Variants in UTRN observed in about 807,000 individuals in gnomAD.
The protein encoded by UTRN is utrophin, also known as dystrophin-related protein 1.
A neutral mutation model predicts 463.9 loss-of-function variants in UTRN; 283 were observed. That is an observed-to-expected ratio of 0.61 (90% CI 0.55 to 0.67). The LOEUF is 0.67. Among genes scored for constraint, UTRN ranks in the 30% least tolerant of loss-of-function variants. The probability of loss-of-function intolerance (pLI) is 0.00; values close to 1 mark genes in which losing one functional copy is unlikely to be tolerated. For synonymous variants in UTRN, 1,442 were observed against 1,431.5 expected, an observed-to-expected ratio of 1.01 and a Z score of -0.17; for missense variants, 3,922 against 4,084.3, an observed-to-expected ratio of 0.96 and a Z score of 1.08.
intron 53 of UTRN, among the ~76,000 whole-genome samples, chr6:144,714,128 AT>A (rs1159860422): frequency 1.3e-5 from 2 of 151,406 alleles, no homozygotes; most frequent in Admixed American, 6.6e-5. Flanking sequence ...TATGTAGGAG[AT>A]TTTTTTTTAA....
intron 53 of UTRN, among the ~76,000 whole-genome samples, chr6:144,720,637 C>T (rs1051297197): frequency 6.6e-5 from 10 of 152,290 alleles, no homozygotes; most frequent in Middle Eastern, 3.4e-3. Flanking sequence ...GGTACACAAT[C>T]GGACAAGCCA....
chr6:144,331,401 A>T (rs1159874722), intron 2 of UTRN, among the ~76,000 whole-genome samples: 2 of 152,120 alleles, frequency 1.3e-5, no homozygotes, highest in African/African-American at 4.8e-5. Context: ...ATGATACGCT[A>T]TGAAAGTTAT....
chr6:144,495,924 T>C (rs1244661288), intron 33 of UTRN, among the ~76,000 whole-genome samples: 2 of 152,160 alleles, frequency 1.3e-5, no homozygotes, highest in East Asian at 3.9e-4. Context: ...ACTCAAGTTG[T>C]TGGTCCTTAG....
rs189852880 is a variant in UTRN at position 144,727,383 on chromosome 6, G to T, written c.7810-2974G>T. Among the ~76,000 whole-genome samples the T allele has an allele frequency of 5.8e-3, 889 of 152,288 alleles. 6 individuals are homozygous for T. The highest frequency in any genetic ancestry group is 0.018 in the African/African-American group (766 of 41,556). On this transcript the variant is annotated intron_variant, in intron 53 of 74. Transcript: ENST00000367545. Reference sequence around the variant, plus strand: ...ATCTTCATCTTCTCTTCAGTGGCTTGCATTAAATCTGTACATTCCTGGAAC... The same window carrying T: ...ATCTTCATCTTCTCTTCAGTGGCTTTCATTAAATCTGTACATTCCTGGAAC...
chr6:144,310,261 G>A (rs1304574048), intron 2 of UTRN, among the ~76,000 whole-genome samples: 1 of 152,218 alleles, frequency 6.6e-6, no homozygotes, highest in African/African-American at 2.4e-5. Flanking sequence ...ATTGGTCTGG[G>A]TGCAGTGGCT....
chr6:144,751,420 G>A (rs1791380072), intron 55 of UTRN, among the ~76,000 whole-genome samples: 1 of 152,074 alleles, frequency 6.6e-6, no homozygotes, highest in Admixed American at 6.6e-5. Context: ...AGTTACTGAA[G>A]ACCTGAATTA....
chr6:144,661,632 G>T (rs1779879528), intron 51 of UTRN, among the ~76,000 whole-genome samples: 1 of 152,178 alleles, frequency 6.6e-6, no homozygotes. Flanking sequence ...CCATAAAGAG[G>T]TCTGTTAGCT....
At chr6:144,846,894 G>A in intron 74 of UTRN, 67 bp downstream of exon 74, 4 of 1,585,090 alleles carry the variant, frequency 2.5e-6, no homozygotes, top group Middle Eastern at 1.7e-4. Flanking sequence ...GATTATCCAC[G>A]ACTGATTTTA....
intron 44 of UTRN, among the ~76,000 whole-genome samples, chr6:144,538,536 G>T (rs1270806021): frequency 6.6e-6 from 1 of 151,904 alleles, no homozygotes; most frequent in Non-Finnish European, 1.5e-5. Flanking sequence ...TGGCCGTGGT[G>T]GCAGGCGCAT....
At chr6:144,845,658 CTCTG>C (rs1287051555) in intron 73 of UTRN, among the ~76,000 whole-genome samples, 1 of 152,178 alleles carries the variant, frequency 6.6e-6, no homozygotes, top group African/African-American at 2.4e-5. Context: ...AGAAGCATAA[CTCTG>C]TCTGTTTTAA....
chr6:144,563,426 A>G (rs1800107539), intron 50 of UTRN, among the ~76,000 whole-genome samples: 1 of 152,166 alleles, frequency 6.6e-6, no homozygotes, highest in Non-Finnish European at 1.5e-5. Flanking sequence ...AGTAGAAGAT[A>G]CTTATATTGG....
intron 19 of UTRN, among the ~76,000 whole-genome samples, chr6:144,457,605 T>C (rs912003331): frequency 3.3e-5 from 5 of 152,208 alleles, no homozygotes; most frequent in African/African-American, 1.2e-4. Flanking sequence ...ATGCTTTGCT[T>C]ATGTCTCATA....
Position 144,362,770 on chromosome 6 carries a change from T to C in UTRN, c.80-40353T>C, listed in dbSNP as rs530590472. On this transcript the variant is annotated intron_variant, in intron 2 of 74. Transcript: ENST00000367545. ...ACTTGTTATGTGATGTGAAAGTTGA[T>C]TTCCACGCGATGCAATATCTTGGGT... Among the ~76,000 whole-genome samples the C allele has an allele frequency of 1.5e-4, 23 of 152,336 alleles. No homozygotes were observed. In the South Asian group the frequency reaches 4.6e-3, roughly 30 times the overall value.
In UTRN at chr6:144,453,818, G is replaced by A; in HGVS notation, c.2233G>A (p.Ala745Thr). 1.9e-6 allele frequency: 3 copies of A among 1,613,670 alleles called. No individual in the cohort carries two copies. The highest frequency in any genetic ancestry group is 2.5e-6 in the Non-Finnish European group (3 of 1,179,778). Residue 745 changes from alanine (A) to threonine (T), a missense_variant, in exon 19 of 75, where the codon GCA (alanine) becomes ACA (threonine). This residue lies in a region of UTRN where 2,349 missense variants were observed against 2,303.8 expected (regional missense o/e 1.02). Transcript: ENST00000367545. Reference sequence around the variant, plus strand: ...AGAACAGAGAGAAAGAATCCCCAGAGCAGATGAATTAAACCAAACTGGACA... The same window carrying A: ...AGAACAGAGAGAAAGAATCCCCAGAACAGATGAATTAAACCAAACTGGACA... ...EKEQRERIPRADELNQTGQIL... is the reference protein window; with the variant it reads ...EKEQRERIPRTDELNQTGQIL...
intron 34 of UTRN, among the ~76,000 whole-genome samples, chr6:144,500,048 C>T (rs1312780670): frequency 2.0e-5 from 3 of 152,162 alleles, no homozygotes; most frequent in Non-Finnish European, 4.4e-5. Context: ...CATGTCCTTG[C>T]TCTTGTGAAT....
rs533758545 is a variant in UTRN at position 144,729,086 on chromosome 6, T to C, written c.7810-1271T>C. 3.9e-5 allele frequency among the ~76,000 whole-genome samples: 6 copies of C among 152,234 alleles called. No homozygotes were observed. The South Asian group carries it at 1.0e-3, about 26-fold the overall frequency. ...AGGGTAACGGGTGGCGTGTGCATGC[T>C]TCATGGCCTTATTCAATCAAGCACT... On this transcript the variant is annotated intron_variant, in intron 53 of 74. Transcript: ENST00000367545.
At chr6:144,367,296 G>A (rs182262197) in intron 2 of UTRN, among the ~76,000 whole-genome samples, 2 of 148,302 alleles carry the variant, frequency 1.3e-5, no homozygotes, top group East Asian at 2.0e-4. Context: ...CTCTACCTGC[G>A]TTTTTAATAA....
intron 73 of UTRN, among the ~76,000 whole-genome samples, chr6:144,842,109 C>A (rs1209363592): frequency 1.9e-4 from 7 of 36,922 alleles, no homozygotes; most frequent in African/African-American, 8.4e-4. Context: ...GACTTCCTCT[C>A]CAAAAAAAAA....
chr6:144,744,030 G>A (rs949154344), intron 54 of UTRN, among the ~76,000 whole-genome samples: 1 of 149,788 alleles, frequency 6.7e-6, no homozygotes. Flanking sequence ...GCTTATGCCT[G>A]TAATCTTAGC....
Sources: allele counts gnomAD v4.1 joint callset (sites outside exome capture counted in the v4.1 genomes callset), GRCh38; gene constraint gnomAD v4.1.1; regional missense constraint gnomAD v4.1.1; transcripts MANE v1.5; gene names NCBI Gene and HGNC (gene_info 2026-07-23, HGNC 2026-07-21).